GNG4: variants seen among roughly 807,000 people sequenced by gnomAD.
The protein encoded by GNG4 is G protein subunit gamma 4.
Under a neutral mutation model 5.8 loss-of-function variants are expected in GNG4, and 4 were observed. That is an observed-to-expected ratio of 0.69 (90% CI 0.34 to 1.57). The LOEUF (loss-of-function observed/expected upper bound fraction) is 1.57. GNG4 is among the 40% of genes most tolerant of loss of function. The pLI is 0.06. For synonymous variants in GNG4, 29 were observed against 32.9 expected (o/e 0.88, Z 0.41); for missense variants, 96 against 95.1 (o/e 1.01, Z -0.04).
In GNG4 at chr1:235,548,165, G is replaced by A. The variant is rs1430450452; in HGVS notation, c.*3944C>T. The A allele has an allele frequency of 6.6e-6, 1 of 152,158 alleles. No homozygotes were observed. Among genetic ancestry groups the A allele is most frequent in the African/African-American group, 2.4e-5 (1 of 41,442 alleles). The allele number at this position is 152,158 out of a possible 1,614,324, so 9.4% of individuals were successfully genotyped here. A position where few individuals can be genotyped will look rare whatever the true frequency, so the allele number is the denominator to read the frequency against. Reference sequence around the variant, plus strand: ...AGAGCATGTCTCTGGATGAACACATGTACACATTTCTGTAGGGTATACACC... The same window carrying A: ...AGAGCATGTCTCTGGATGAACACATATACACATTTCTGTAGGGTATACACC... On this transcript the variant is annotated 3_prime_UTR_variant, in exon 4 of 4. Transcript: ENST00000391854.
At chr1:235,582,692 G>A (rs1410025221) in intron 3 of GNG4, among the ~76,000 whole-genome samples, 1 of 152,210 alleles carries the variant, frequency 6.6e-6, no homozygotes, top group Admixed American at 6.5e-5. Context: ...ACCAAGGACT[G>A]ACATGTAATT....
Position 235,649,628 on chromosome 1 carries a change from G to T in GNG4, c.-123+34C>A, listed in dbSNP as rs1407053226. On this transcript the variant is annotated intron_variant, in intron 1 of 3. Coordinates refer to ENST00000391854, the MANE Select transcript of GNG4 (RefSeq NM_001098722.2). This position sits in a 1 kb window ranked among gnomAD's most constrained non-coding sequence, Gnocchi z 5.7. The stretch of plus-strand genomic sequence containing the variant: ...CTGCACCGGGCTGGGCTCTCCCCGC[G>T]GACACCCGGGGCTCCGGCCGGGCGC... 2 of 152,138 alleles carry T rather than the reference G, an allele frequency of 1.3e-5. No individual in the cohort carries two copies. Among genetic ancestry groups the T allele is most frequent in the African/African-American group, 4.8e-5 (2 of 41,430 alleles). 9.4% of individuals were successfully genotyped at this position (152,138 alleles called of 1,614,324 possible).
At chr1:235,595,774 C>G (rs1688108020) in intron 1 of GNG4, among the ~76,000 whole-genome samples, 2 of 152,308 alleles carry the variant, frequency 1.3e-5, no homozygotes, top group South Asian at 4.1e-4. Flanking sequence ...TCCCCTGGAC[C>G]CTGCAAACCT....
chr1:235,606,361 G>A (rs781002581), intron 1 of GNG4, among the ~76,000 whole-genome samples: 7 of 152,072 alleles, frequency 4.6e-5, no homozygotes, highest in Admixed American at 3.9e-4. Context: ...CAGCCTGGGC[G>A]ACAGAGCAAG....
chr1:235,639,806 T>G (rs1390805945), intron 1 of GNG4, among the ~76,000 whole-genome samples: 1 of 152,166 alleles, frequency 6.6e-6, no homozygotes, highest in Non-Finnish European at 1.5e-5. Flanking sequence ...CGTGCCCCGC[T>G]CTGTGTTGTG....
At chr1:235,584,849 C>T (rs754202888) in intron 2 of GNG4, among the ~76,000 whole-genome samples, 17 of 152,208 alleles carry the variant, frequency 1.1e-4, no homozygotes, top group Admixed American at 7.2e-4. Flanking sequence ...ATCTATTATT[C>T]GTCTGCTTCT....
chr1:235,568,417 T>A (rs1467040479), intron 3 of GNG4, among the ~76,000 whole-genome samples: 1 of 152,222 alleles, frequency 6.6e-6, no homozygotes, highest in Non-Finnish European at 1.5e-5. Context: ...CTTATGGTCT[T>A]AATGTATATT....
rs531331090 is a variant in GNG4, at chr1:235,599,271, G to A, written c.-122-3760C>T. ...AATCTCAGGTCCTACCCAAACCTACGAAGTCAAATCTGCGGGTTTTTTTGT... is the reference window on the plus strand; with the variant it reads ...AATCTCAGGTCCTACCCAAACCTACAAAGTCAAATCTGCGGGTTTTTTTGT... On this transcript the variant is annotated intron_variant, in intron 1 of 3. Coordinates refer to ENST00000391854, the MANE Select transcript of GNG4 (RefSeq NM_001098722.2). 1.4e-4 allele frequency among the ~76,000 whole-genome samples: 21 copies of A among 152,042 alleles called. No individual in the cohort carries two copies. In the East Asian group the frequency reaches 3.1e-3, roughly 22 times the overall value.
At chr1:235,587,860 G>A (rs527829880) in intron 2 of GNG4, among the ~76,000 whole-genome samples, 1 of 149,630 alleles carries the variant, frequency 6.7e-6, no homozygotes, top group Non-Finnish European at 1.5e-5. Flanking sequence ...TAAGTGTATG[G>A]AGTGTGTGAG....
chr1:235,590,912 T>G (rs1687943988), intron 2 of GNG4, among the ~76,000 whole-genome samples: 1 of 152,204 alleles, frequency 6.6e-6, no homozygotes, highest in Non-Finnish European at 1.5e-5. Flanking sequence ...AACTAGTCCT[T>G]TTTGAATTTT....
At chr1:235,558,091 C>T (rs911011438) in intron 3 of GNG4, among the ~76,000 whole-genome samples, 1 of 152,200 alleles carries the variant, frequency 6.6e-6, no homozygotes, top group Non-Finnish European at 1.5e-5. Context: ...CTTGCTGAGT[C>T]CTGTCTGTGC....
At chr1:235,633,918 A>G (rs12074079) in intron 1 of GNG4, among the ~76,000 whole-genome samples, 6,491 of 152,288 alleles carry the variant, frequency 0.043, 448 homozygotes, top group African/African-American at 0.15. Context: ...GACAGTCTTT[A>G]TAAGCAAATA....
At chr1:235,597,231 G>T (rs1174397735) in intron 1 of GNG4, among the ~76,000 whole-genome samples, 1 of 152,230 alleles carries the variant, frequency 6.6e-6, no homozygotes, top group Non-Finnish European at 1.5e-5. Flanking sequence ...AATGAACTTG[G>T]AGCAAAGCTA....
At chr1:235,631,051 A>G (rs111359947) in intron 1 of GNG4, among the ~76,000 whole-genome samples, 4,322 of 152,100 alleles carry the variant, frequency 0.028, 209 homozygotes, top group African/African-American at 0.096. Context: ...GGCACGCACC[A>G]CCATACCCAG....
Position 235,551,607 on chromosome 1 carries a change from TTTTACTAGGATGATGGAAATG to T in GNG4, c.*481_*501del, listed in dbSNP as rs994671410. On this transcript the variant is annotated 3_prime_UTR_variant, in exon 4 of 4. Coordinates refer to ENST00000391854, the MANE Select transcript of GNG4 (RefSeq NM_001098722.2). ...ATTCCAATCCTGTGGGTTGTTGTCT[TTTTACTAGGATGATGGAAATG>T]CAGGAAATACAGAACCTCTGCAGCT... 6.5e-6 allele frequency: 1 copy of T among 152,672 alleles called. No individual in the cohort carries two copies. Among genetic ancestry groups the T allele is most frequent in the Non-Finnish European group, 1.5e-5 (1 of 68,498 alleles). The allele number at this position is 152,672 out of a possible 1,614,324, so 9.5% of individuals were successfully genotyped here.
intron 1 of GNG4, among the ~76,000 whole-genome samples, chr1:235,632,325 G>A (rs758918372): frequency 3.9e-5 from 6 of 152,006 alleles, no homozygotes; most frequent in Non-Finnish European, 7.4e-5. Flanking sequence ...GGGCTCAAGC[G>A]ATCTTCCCAC....
chr1:235,576,208 G>A (rs958410151), intron 3 of GNG4, among the ~76,000 whole-genome samples: 1 of 146,048 alleles, frequency 6.8e-6, no homozygotes, highest in African/African-American at 2.6e-5. Flanking sequence ...CTACAGGCGC[G>A]TGCCACCATG....
chr1:235,577,743 T>G (rs1204286344), intron 3 of GNG4, among the ~76,000 whole-genome samples: 2 of 152,076 alleles, frequency 1.3e-5, no homozygotes, highest in Non-Finnish European at 2.9e-5. Flanking sequence ...CCGGCCCATC[T>G]CAGTGTTGTC....
chr1:235,558,376 A>G (rs1182330208), intron 3 of GNG4, among the ~76,000 whole-genome samples: 1 of 152,184 alleles, frequency 6.6e-6, no homozygotes, highest in Non-Finnish European at 1.5e-5. Context: ...GTCCTATATA[A>G]CCTTTATAAC....
Sources: allele counts gnomAD v4.1 joint callset (sites outside exome capture counted in the v4.1 genomes callset), GRCh38; gene constraint gnomAD v4.1.1; non-coding constraint Gnocchi (gnomAD v3.1); transcripts MANE v1.5; gene names NCBI Gene and HGNC (gene_info 2026-07-23, HGNC 2026-07-21).